The following HS6ST2 variants were observed in gnomAD, a reference collection of about 807,000 sequenced individuals.
HS6ST2 encodes heparan sulfate 6-O-sulfotransferase 2.
Under a neutral mutation model 33.0 loss-of-function variants are expected in HS6ST2, and 17 were observed. That is an observed-to-expected ratio of 0.52 (90% CI 0.35 to 0.77). The LOEUF is 0.77. Ranked by LOEUF, HS6ST2 falls within the 30% of genes least tolerant of loss-of-function variation. The pLI, the probability that HS6ST2 is intolerant of heterozygous loss-of-function variation, is 0.01. For missense variants in HS6ST2, 519 were observed against 551.7 expected (o/e 0.94, Z 0.59); for synonymous variants, 248 against 237.1 (o/e 1.05, Z -0.42).
At position 132,866,190 on chromosome X, in the gene HS6ST2, C is replaced by T. The variant is rs745811932; in HGVS notation, c.947+90618G>A. On this transcript the variant is annotated intron_variant, in intron 2 of 4. Transcript: ENST00000370833. ...AAGGAAGGGATCCAGTTTCATCTTTCTACATAAGGCTAGCCAGTTTTCCCA... is the reference window on the plus strand; with the variant it reads ...AAGGAAGGGATCCAGTTTCATCTTTTTACATAAGGCTAGCCAGTTTTCCCA... Among the ~76,000 whole-genome samples the T allele has an allele frequency of 7.2e-5, 8 of 111,636 alleles. No homozygotes were observed. The South Asian group carries it at 3.0e-3, about 42-fold the overall frequency.
chrX:132,831,341 C>A (rs143218476), intron 2 of HS6ST2, among the ~76,000 whole-genome samples: 1 of 111,167 alleles, frequency 9.0e-6, no homozygotes, highest in African/African-American at 3.3e-5. Context: ...ACCCTGGCAT[C>A]GGTCTTCTAA....
In HS6ST2 at chrX:132,817,890, G is replaced by A. The variant is rs1185429317; in HGVS notation, c.948-109396C>T. ...GTGAGAATGAAATGAGTTTGCTTAA[G>A]TTCATGCACATATTCATGAATCATA... On this transcript the variant is annotated intron_variant, in intron 2 of 4. Transcript: ENST00000370833. 2.7e-5 allele frequency among the ~76,000 whole-genome samples: 3 copies of A among 111,710 alleles called. No individual in the cohort carries two copies. In the Admixed American group the frequency reaches 2.8e-4, roughly 11 times the overall value.
chrX:132,762,583 A>T (rs767430186), intron 2 of HS6ST2, among the ~76,000 whole-genome samples: 8 of 111,960 alleles, frequency 7.1e-5, no homozygotes, highest in Non-Finnish European at 1.3e-4. Context: ...TGACAATGTT[A>T]CTGAGGATCC....
intron 2 of HS6ST2, among the ~76,000 whole-genome samples, chrX:132,913,190 G>A (rs778257784): frequency 2.7e-5 from 3 of 111,124 alleles, no homozygotes; most frequent in Non-Finnish European, 5.7e-5. Flanking sequence ...TGTGGGACAA[G>A]AACTCAGAAC....
chrX:132,810,926 C>G (rs1305988450), intron 2 of HS6ST2, among the ~76,000 whole-genome samples: 5 of 112,455 alleles, frequency 4.4e-5, no homozygotes, highest in Admixed American at 9.4e-5. Context: ...CAGAACCATC[C>G]AGCCAACTCA....
At chrX:132,758,683 A>G (rs1197019186) in intron 2 of HS6ST2, among the ~76,000 whole-genome samples, 1 of 112,076 alleles carries the variant, frequency 8.9e-6, no homozygotes, top group East Asian at 2.8e-4. Context: ...CAAGGCCAAC[A>G]AAAGCCTTCT....
chrX:132,932,445 C>T (rs1253327529), intron 2 of HS6ST2, among the ~76,000 whole-genome samples: 1 of 111,777 alleles, frequency 8.9e-6, no homozygotes, highest in African/African-American at 3.3e-5. Flanking sequence ...AAAGGATTCA[C>T]ACAGGGGAGA....
chrX:132,961,017 T>G (rs915020439), upstream of HS6ST2, among the ~76,000 whole-genome samples: 2 of 109,679 alleles, frequency 1.8e-5, no homozygotes, highest in Non-Finnish European at 3.8e-5. Context: ...AAGAGGCTTC[T>G]TGTAATCTCG....
chrX:132,660,846 A>G (rs1477585488), intron 4 of HS6ST2, among the ~76,000 whole-genome samples: 2 of 112,180 alleles, frequency 1.8e-5, no homozygotes, highest in Non-Finnish European at 3.8e-5. Context: ...TGAGTAATTT[A>G]GAAAGGAAAG....
At chrX:132,782,408 C>T (rs150877937) in intron 2 of HS6ST2, among the ~76,000 whole-genome samples, 1,375 of 111,741 alleles carry the variant, frequency 0.012, 25 homozygotes, top group African/African-American at 0.043. Context: ...GAAAAGAATC[C>T]TCACTTAAAG....
intron 2 of HS6ST2, among the ~76,000 whole-genome samples, chrX:132,788,200 T>C (rs1263878385): frequency 4.5e-5 from 5 of 112,026 alleles, no homozygotes; most frequent in Non-Finnish European, 9.4e-5. Flanking sequence ...AGTAAGTCTA[T>C]TGGCTCCATT....
chrX:132,891,537 C>A (rs979607418), intron 2 of HS6ST2, among the ~76,000 whole-genome samples: 1 of 109,352 alleles, frequency 9.1e-6, no homozygotes, highest in African/African-American at 3.3e-5. Flanking sequence ...CCTCCACACT[C>A]CCCCCACCCC....
At chrX:132,802,217 C>A (rs762148155) in intron 2 of HS6ST2, among the ~76,000 whole-genome samples, 1 of 112,082 alleles carries the variant, frequency 8.9e-6, no homozygotes, top group South Asian at 3.8e-4. Context: ...GAAGACTAAC[C>A]AAGTGAGAAG....
intron 2 of HS6ST2, among the ~76,000 whole-genome samples, chrX:132,801,844 T>C (rs924803474): frequency 8.9e-5 from 10 of 112,421 alleles, no homozygotes; most frequent in African/African-American, 3.2e-4. Flanking sequence ...ATTCCTACTA[T>C]TATTTTAAAA....
At chrX:132,763,090 G>A (rs1314327798) in intron 2 of HS6ST2, among the ~76,000 whole-genome samples, 2 of 111,859 alleles carry the variant, frequency 1.8e-5, no homozygotes, top group Non-Finnish European at 3.8e-5. Context: ...AATGTGAGTT[G>A]CTATGATTAT....
At chrX:132,669,039 T>C (rs1174276624) in intron 4 of HS6ST2, 74 bp downstream of exon 4, 1 of 654,256 alleles carries the variant, frequency 1.5e-6, no homozygotes, top group Non-Finnish European at 2.4e-6. Context: ...TGAATATGAA[T>C]AAATGACAAA....
At chrX:132,956,167 G>C (rs1399795100) in intron 2 of HS6ST2, among the ~76,000 whole-genome samples, 1 of 111,791 alleles carries the variant, frequency 8.9e-6, no homozygotes, top group East Asian at 2.8e-4. Context: ...GAGCCAGAGC[G>C]GGGAAGGAGC....
chrX:132,898,114 G>A (rs1011112192), intron 2 of HS6ST2, among the ~76,000 whole-genome samples: 7 of 109,315 alleles, frequency 6.4e-5, no homozygotes, highest in African/African-American at 2.3e-4. Flanking sequence ...TCTAGGTTGC[G>A]CTCCTCATGA....
At chrX:132,918,146 C>T (rs1460078345) in intron 2 of HS6ST2, among the ~76,000 whole-genome samples, 3 of 112,545 alleles carry the variant, frequency 2.7e-5, no homozygotes, top group African/African-American at 9.7e-5. Context: ...CATTGCATGC[C>T]CATAGGCCTT....
Sources: gnomAD v4.1 joint callset for allele counts (sites outside exome capture counted in the v4.1 genomes callset) on GRCh38, gnomAD v4.1.1 for gene constraint, MANE v1.5 for transcripts, NCBI Gene and HGNC (gene_info 2026-07-23, HGNC 2026-07-21) for gene names.